Variants in SLC5A10 observed in about 807,000 individuals in gnomAD.
SLC5A10 encodes the protein sodium/mannose cotransporter SLC5A10.
A neutral mutation model predicts 68.9 loss-of-function variants in SLC5A10; 55 were observed. The observed-to-expected ratio is 0.80, with a 90% CI of 0.64 to 1.00. SLC5A10 has a LOEUF of 1.00. SLC5A10 is among the 50% of genes least tolerant of loss of function. The pLI is 0.00. For synonymous variants in SLC5A10, 344 were observed against 344.8 expected (o/e 1.00, Z 0.02); for missense variants, 732 against 819.3 (o/e 0.89, Z 1.30).
chr17:19,008,534 C>T (rs1301113210), intron 9 of SLC5A10, among the ~76,000 whole-genome samples: 1 of 149,942 alleles, frequency 6.7e-6, no homozygotes, highest in Non-Finnish European at 1.5e-5. Context: ...GGGTCTTGCA[C>T]TGTTGCCCAG....
chr17:18,960,145 C>G (rs1295858028), intron 4 of SLC5A10, among the ~76,000 whole-genome samples: 1 of 152,234 alleles, frequency 6.6e-6, no homozygotes, highest in African/African-American at 2.4e-5. Flanking sequence ...GTCAACTCCA[C>G]TTCCTGGATG....
At chr17:18,980,278 A>G (rs1484562352) in intron 9 of SLC5A10, among the ~76,000 whole-genome samples, 2 of 152,032 alleles carry the variant, frequency 1.3e-5, no homozygotes, top group Non-Finnish European at 2.9e-5. Flanking sequence ...CTCCTTCCCC[A>G]TGGCCAGGAC....
At position 18,978,030 on chromosome 17, in the gene SLC5A10, T is replaced by C. The variant is rs745782645; in HGVS notation, c.982+1041T>C. The C allele has an allele frequency of 2.6e-6, 4 of 1,538,488 alleles. No individual in the cohort carries two copies. The South Asian group carries it at 3.8e-5, about 15-fold the overall frequency. On this transcript the variant is annotated intron_variant, in intron 9 of 14. Coordinates refer to ENST00000395645, the MANE Select transcript of SLC5A10 (RefSeq NM_001042450.4). ...AGTGGGGCGTGGCCTGGGCCTGCCA[T>C]CCTGGGTAGCCTATGGTCTGTCCCA...
Position 19,017,514 on chromosome 17 carries a change from G to A in SLC5A10, c.1242-1909G>A, listed in dbSNP as rs1455723495. ...GCAGGGCCGGGTGCAGTACCATGCCGGTGACCCTGATGGCTCTGTCCAGCT... is the reference window on the plus strand; with the variant it reads ...GCAGGGCCGGGTGCAGTACCATGCCAGTGACCCTGATGGCTCTGTCCAGCT... On this transcript the variant is annotated intron_variant, in intron 11 of 14. Coordinates refer to ENST00000395645, the MANE Select transcript of SLC5A10 (RefSeq NM_001042450.4). This position sits in a 1 kb window ranked among gnomAD's most constrained non-coding sequence, Gnocchi z 5.6. 1.6e-5 allele frequency: 15 copies of A among 912,462 alleles called. No homozygotes were observed. The highest frequency in any genetic ancestry group is 2.2e-4 in the Middle Eastern group (1 of 4,614). 56.5% of individuals were successfully genotyped at this position (912,462 alleles called of 1,614,324 possible).
rs575913772 is a variant in SLC5A10 at position 19,019,468 on chromosome 17, C to T, written c.1287C>T (p.Pro429=). The T allele has an allele frequency of 2.2e-5, 36 of 1,612,012 alleles. No individual in the cohort carries two copies. In the East Asian group the frequency reaches 2.7e-4, roughly 12 times the overall value. ...ALIGVSVAWI[P]VLQDSNSGQL... ...TCGGCGTGAGTGTGGCCTGGATCCC[C>T]GTCCTGCAGGACTCCAACAGCGGGC... The change falls in exon 12 of 15, where the codon CCC becomes CCT. Residue 429 remains proline, a synonymous_variant. Transcript: ENST00000395645.
rs917453627 is a variant in SLC5A10, at chr17:19,000,504, G to T, written c.983-12906G>T. Among the ~76,000 whole-genome samples the T allele has an allele frequency of 6.6e-6, 1 of 152,172 alleles. No individual in the cohort carries two copies. Among genetic ancestry groups the T allele is most frequent in the Non-Finnish European group, 1.5e-5 (1 of 68,020 alleles). On this transcript the variant is annotated intron_variant, in intron 9 of 14. Coordinates refer to ENST00000395645, the MANE Select transcript of SLC5A10 (RefSeq NM_001042450.4). This position sits in a 1 kb window ranked among gnomAD's most constrained non-coding sequence, Gnocchi z 5.2. ...ATTCTAGTCATTTGGGAACAGGGGG[G>T]ACTGACAGCAGTCCTGACAGGAACA...
intron 8 of SLC5A10, among the ~76,000 whole-genome samples, chr17:18,972,980 C>T (rs1349998178): frequency 6.6e-6 from 1 of 152,220 alleles, no homozygotes; most frequent in African/African-American, 2.4e-5. Context: ...GCCCCTCATG[C>T]TCCGGCATGC....
At chr17:18,990,861 G>A (rs1374461541) in intron 9 of SLC5A10, among the ~76,000 whole-genome samples, 7 of 152,210 alleles carry the variant, frequency 4.6e-5, no homozygotes, top group African/African-American at 1.7e-4. Context: ...TTTCTTGGGG[G>A]CCCTTGAGTC....
rs1214829406 is a variant in SLC5A10, at chr17:19,004,228, G to T, written c.983-9182G>T. On this transcript the variant is annotated intron_variant, in intron 9 of 14. Transcript: ENST00000395645. This position sits in a 1 kb window ranked among gnomAD's most constrained non-coding sequence, Gnocchi z 5.4. ...GGGAGGGCGGGCCGCGCGGGGAGGGGCGGCGGGGGCGGGGCCGGGAACTCA... is the reference window on the plus strand; with the variant it reads ...GGGAGGGCGGGCCGCGCGGGGAGGGTCGGCGGGGGCGGGGCCGGGAACTCA... The T allele has an allele frequency of 3.6e-6, 2 of 552,892 alleles. No individual in the cohort carries two copies. The highest frequency in any genetic ancestry group is 4.0e-5 in the African/African-American group (2 of 49,390). 34.2% of individuals were successfully genotyped at this position (552,892 alleles called of 1,614,324 possible). A position where few individuals can be genotyped will look rare whatever the true frequency, so the allele number is the denominator to read the frequency against.
rs2044280236 is a variant in SLC5A10 at position 19,022,508 on chromosome 17, T to C, written c.*2077T>C. The stretch of plus-strand genomic sequence containing the variant: ...GACTCTGCAGCAGCCATGGTAGCTT[T>C]TGACTCCAGGCCACAAAGCCATGAG... On this transcript the variant is annotated 3_prime_UTR_variant, in exon 15 of 15. Coordinates refer to ENST00000395645, the MANE Select transcript of SLC5A10 (RefSeq NM_001042450.4). The C allele has an allele frequency of 4.4e-6, 1 of 226,492 alleles. No individual in the cohort carries two copies. The highest frequency in any genetic ancestry group is 8.6e-6 in the Non-Finnish European group (1 of 116,940). 14.0% of individuals were successfully genotyped at this position (226,492 alleles called of 1,614,324 possible).
chr17:18,994,570 A>G (rs777728532), intron 9 of SLC5A10, among the ~76,000 whole-genome samples: 22 of 152,164 alleles, frequency 1.4e-4, no homozygotes, highest in Admixed American at 2.6e-4. Context: ...GGCTGAGCAG[A>G]GAACCACCGG....
Position 19,021,852 on chromosome 17 carries a change from C to T in SLC5A10, c.*1421C>T, listed in dbSNP as rs140507873. The T allele has an allele frequency of 3.2e-5, 39 of 1,214,728 alleles. No individual in the cohort carries two copies. In the East Asian group the frequency reaches 8.7e-4, roughly 27 times the overall value. The allele number at this position is 1,214,728 out of a possible 1,614,324, so 75.2% of individuals were successfully genotyped here. ...TAGGAGCCCACGTTCAGTCCAAGGC[C>T]GTCCACTGAGCCCCGTGTGACTCTG... On this transcript the variant is annotated 3_prime_UTR_variant, in exon 15 of 15. Coordinates refer to ENST00000395645, the MANE Select transcript of SLC5A10 (RefSeq NM_001042450.4). This position sits in a 1 kb window ranked among gnomAD's most constrained non-coding sequence, Gnocchi z 4.1.
At chr17:18,959,710 C>T in intron 4 of SLC5A10, 47 bp downstream of exon 4, 10 of 1,589,836 alleles carry the variant, frequency 6.3e-6, no homozygotes, top group Non-Finnish European at 7.8e-6. Flanking sequence ...GGCCTTGGTC[C>T]AAGTTGGTGG....
At chr17:18,963,953 C>T (rs1488731326) in intron 5 of SLC5A10, among the ~76,000 whole-genome samples, 1 of 152,238 alleles carries the variant, frequency 6.6e-6, no homozygotes, top group Non-Finnish European at 1.5e-5. Flanking sequence ...CCCACCCGCT[C>T]CAGCCACACT....
chr17:19,014,765 A>AG (rs1242847037), intron 10 of SLC5A10, among the ~76,000 whole-genome samples: 3 of 152,188 alleles, frequency 2.0e-5, no homozygotes, highest in Non-Finnish European at 4.4e-5. Context: ...GCCTGATCGC[A>AG]GCCTCAGCAT....
At position 19,013,403 on chromosome 17, in the gene SLC5A10, C is replaced by G; in HGVS notation, c.983-7C>G. 5 of 1,606,346 alleles carry G rather than the reference C, an allele frequency of 3.1e-6. No homozygotes were observed. The highest frequency in any genetic ancestry group is 4.3e-6 in the Non-Finnish European group (5 of 1,176,186). Reference sequence around the variant, plus strand: ...GGAGAGACACCAAGTGTCCGTCTCTCGAACAGATGATGTGGGCTGCGTGGT... The same window carrying G: ...GGAGAGACACCAAGTGTCCGTCTCTGGAACAGATGATGTGGGCTGCGTGGT... On this transcript the variant is annotated splice_region_variant and splice_polypyrimidine_tract_variant and intron_variant, in intron 9 of 14. Transcript: ENST00000395645.
In SLC5A10 at chr17:19,020,310, T is replaced by G. The variant is rs1381642125; in HGVS notation, c.1685-15T>G. On this transcript the variant is annotated splice_polypyrimidine_tract_variant and intron_variant, in intron 14 of 14. Transcript: ENST00000395645. ...TGTCCTTCATCTGTCCCTCTCCTTC[T>G]GCAACCCCCTCCAGGTGATGGCCAA... The G allele has an allele frequency of 6.2e-7, 1 of 1,614,082 alleles. No homozygotes were observed. The highest frequency in any genetic ancestry group is 8.5e-7 in the Non-Finnish European group (1 of 1,179,942).
chr17:18,951,402 C>T (rs765308799), upstream of SLC5A10, among the ~76,000 whole-genome samples: 1 of 152,282 alleles, frequency 6.6e-6, no homozygotes, highest in Non-Finnish European at 1.5e-5. Context: ...GCCTACTCTG[C>T]GTGGCTGCTG....
chr17:18,980,543 G>A (rs1351889454), intron 9 of SLC5A10, among the ~76,000 whole-genome samples: 2 of 152,162 alleles, frequency 1.3e-5, no homozygotes, highest in East Asian at 1.9e-4. Flanking sequence ...CCAGTGTGGA[G>A]TCTCTGGAGC....
Sources: allele counts gnomAD v4.1 joint callset (sites outside exome capture counted in the v4.1 genomes callset), GRCh38; gene constraint gnomAD v4.1.1; non-coding constraint Gnocchi (gnomAD v3.1); transcripts MANE v1.5; gene names NCBI Gene and HGNC (gene_info 2026-07-23, HGNC 2026-07-21).